The following ASAP1 variants were observed in gnomAD, a reference collection of about 807,000 sequenced individuals.
ASAP1 encodes the protein arf-GAP with SH3 domain, ANK repeat and PH domain-containing protein 1.
Under a neutral mutation model 145.2 loss-of-function variants are expected in ASAP1, and 43 were observed. The observed-to-expected ratio is 0.30, with a 90% CI of 0.23 to 0.38. The LOEUF (loss-of-function observed/expected upper bound fraction) is 0.38. Ranked by LOEUF, ASAP1 falls within the 10% of genes least tolerant of loss-of-function variation. The pLI is 1.00. For synonymous variants in ASAP1, 546 were observed against 515.5 expected (o/e 1.06, Z -0.80); for missense variants, 1,018 against 1,355.3 (o/e 0.75, Z 3.91).
At chr8:130,337,078 C>G (rs1825083432) in intron 3 of ASAP1, among the ~76,000 whole-genome samples, 1 of 152,172 alleles carries the variant, frequency 6.6e-6, no homozygotes, top group South Asian at 2.1e-4. Context: ...CTAACCCAGT[C>G]AGGACTCACA....
At chr8:130,336,114 A>G (rs1538728) in intron 3 of ASAP1, among the ~76,000 whole-genome samples, 91,044 of 151,964 alleles carry the variant, frequency 0.6, 27,798 homozygotes, top group African/African-American at 0.69. Flanking sequence ...AATGCAAAAC[A>G]AAGTTTCAGA....
intron 2 of ASAP1, among the ~76,000 whole-genome samples, chr8:130,373,781 A>G (rs937138540): frequency 2.9e-5 from 4 of 138,424 alleles, no homozygotes; most frequent in African/African-American, 1.1e-4. Flanking sequence ...CAGGAGGCAG[A>G]GGTTGCAGTG....
chr8:130,348,619 C>T (rs1344140259), intron 3 of ASAP1, among the ~76,000 whole-genome samples: 1 of 152,084 alleles, frequency 6.6e-6, no homozygotes, highest in Non-Finnish European at 1.5e-5. Context: ...TAACTCCTGC[C>T]CACAAATAAT....
Position 130,358,611 on chromosome 8 carries a change from CGGCGGGCG to C in ASAP1, c.60-476_60-469del, listed in dbSNP as rs1287632034. Among the ~76,000 whole-genome samples the C allele has an allele frequency of 6.9e-6, 1 of 144,988 alleles. No individual in the cohort carries two copies. ...CTGACTGACTGAGCGCACACTCCCG[CGGCGGGCG>C]GGCGGGCGGGCGGCGCTCGCGCTGC... On this transcript the variant is annotated intron_variant, in intron 2 of 29. Coordinates refer to ENST00000518721, the MANE Select transcript of ASAP1 (RefSeq NM_018482.4). This position sits in a 1 kb window ranked among gnomAD's most constrained non-coding sequence, Gnocchi z 4.1.
At chr8:130,099,775 G>A (rs2097525506) in intron 24 of ASAP1, among the ~76,000 whole-genome samples, 2 of 149,122 alleles carry the variant, frequency 1.3e-5, no homozygotes, top group South Asian at 4.2e-4. Flanking sequence ...CTGACCTCAG[G>A]TGATCCACCC....
At chr8:130,402,976 G>A (rs1449330086) in intron 1 of ASAP1, among the ~76,000 whole-genome samples, 2 of 150,888 alleles carry the variant, frequency 1.3e-5, no homozygotes, top group Non-Finnish European at 2.9e-5. Context: ...TAAAAACAGA[G>A]AAGTGTATCA....
intron 1 of ASAP1, among the ~76,000 whole-genome samples, chr8:130,441,487 G>A (rs375541551): frequency 3.3e-5 from 5 of 152,186 alleles, no homozygotes; most frequent in Non-Finnish European, 5.9e-5. Context: ...AATGAGAACC[G>A]AGCAGCAGGA....
intron 5 of ASAP1, among the ~76,000 whole-genome samples, chr8:130,207,169 A>C (rs1353871446): frequency 6.6e-6 from 1 of 152,132 alleles, no homozygotes; most frequent in Non-Finnish European, 1.5e-5. Context: ...GGGCACTCAA[A>C]GTGGAAGGAA....
intron 3 of ASAP1, among the ~76,000 whole-genome samples, chr8:130,248,796 C>T (rs1220188651): frequency 6.6e-6 from 1 of 152,158 alleles, no homozygotes; most frequent in Non-Finnish European, 1.5e-5. Flanking sequence ...TCTTCCTCCT[C>T]CATGTCTATT....
At chr8:130,394,576 G>A (rs532278426) in intron 2 of ASAP1, among the ~76,000 whole-genome samples, 9 of 152,166 alleles carry the variant, frequency 5.9e-5, no homozygotes, top group South Asian at 2.1e-4. Context: ...TAAAGTATGC[G>A]ATCTCTGTGA....
At chr8:130,172,881 C>T (rs1813682805) in intron 9 of ASAP1, among the ~76,000 whole-genome samples, 1 of 152,202 alleles carries the variant, frequency 6.6e-6, no homozygotes, top group African/African-American at 2.4e-5. Flanking sequence ...CCTTCTGCTT[C>T]AATTATTCAG....
chr8:130,062,790 T>C (rs970753283), intron 27 of ASAP1, among the ~76,000 whole-genome samples: 4 of 152,226 alleles, frequency 2.6e-5, no homozygotes, highest in African/African-American at 9.7e-5. Context: ...GCCACCCATC[T>C]GAATGCAGGG....
At position 130,358,005 on chromosome 8, in the gene ASAP1, G is replaced by C; in HGVS notation, c.186+12C>G. 3 of 1,599,820 alleles carry C rather than the reference G, an allele frequency of 1.9e-6. No homozygotes were observed. Among genetic ancestry groups the C allele is most frequent in the Non-Finnish European group, 8.5e-7 (1 of 1,175,644 alleles). On this transcript the variant is annotated intron_variant, in intron 3 of 29. Coordinates refer to ENST00000518721, the MANE Select transcript of ASAP1 (RefSeq NM_018482.4). This position sits in a 1 kb window ranked among gnomAD's most constrained non-coding sequence, Gnocchi z 4.1. Reference sequence around the variant, plus strand: ...GGCGAGCGTGGACGGCGGGGGTCCCGGCCCGACCTACCTCCTCCAGCAGCG... The same window carrying C: ...GGCGAGCGTGGACGGCGGGGGTCCCCGCCCGACCTACCTCCTCCAGCAGCG...
chr8:130,270,129 C>T (rs1471662510), intron 3 of ASAP1, among the ~76,000 whole-genome samples: 1 of 152,208 alleles, frequency 6.6e-6, no homozygotes, highest in Admixed American at 6.5e-5. Context: ...GAGATCGTGC[C>T]ACTGCACTCC....
At chr8:130,217,536 G>T (rs1302112753) in intron 4 of ASAP1, among the ~76,000 whole-genome samples, 1 of 75,604 alleles carries the variant, frequency 1.3e-5, no homozygotes. Context: ...GTGTATATAT[G>T]TACACACACA....
chr8:130,429,720 C>T (rs1000632119), intron 1 of ASAP1, among the ~76,000 whole-genome samples: 4 of 152,174 alleles, frequency 2.6e-5, no homozygotes, highest in African/African-American at 4.8e-5. Context: ...TAACTTACCC[C>T]AACCAACTTT....
chr8:130,305,906 T>C (rs1822965026), intron 3 of ASAP1, among the ~76,000 whole-genome samples: 1 of 152,162 alleles, frequency 6.6e-6, no homozygotes, highest in African/African-American at 2.4e-5. Context: ...TTCACATCAC[T>C]ATTTAAGCTC....
intron 13 of ASAP1, among the ~76,000 whole-genome samples, chr8:130,138,680 T>C (rs2097601286): frequency 6.6e-6 from 1 of 151,678 alleles, no homozygotes. Context: ...CTACTAAAAA[T>C]ACAAAATTAG....
At chr8:130,283,303 G>T (rs1821364589) in intron 3 of ASAP1, among the ~76,000 whole-genome samples, 1 of 152,160 alleles carries the variant, frequency 6.6e-6, no homozygotes, top group Admixed American at 6.5e-5. Context: ...AAAAAACACT[G>T]GGTACAGTGG....
Sources: gnomAD v4.1 joint callset for allele counts (sites outside exome capture counted in the v4.1 genomes callset) on GRCh38, gnomAD v4.1.1 for gene constraint, Gnocchi (gnomAD v3.1) non-coding constraint, MANE v1.5 for transcripts, NCBI Gene and HGNC (gene_info 2026-07-23, HGNC 2026-07-21) for gene names.